The following TDRD9 variants were observed in gnomAD, a reference collection of about 807,000 sequenced individuals.
The protein encoded by TDRD9 is ATP-dependent RNA helicase TDRD9.
Under a neutral mutation model 172.6 loss-of-function variants are expected in TDRD9, and 124 were observed. The observed-to-expected ratio is 0.72, with a 90% confidence interval of 0.62 to 0.83. The LOEUF (loss-of-function observed/expected upper bound fraction) is 0.83, where lower values mean the gene tolerates loss of function less well. Among genes scored for constraint, TDRD9 ranks in the 40% least tolerant of loss-of-function variants. TDRD9 has a pLI of 0.00. For synonymous variants in TDRD9, 619 were observed against 617.1 expected (o/e 1.00, Z -0.05); for missense variants, 1,479 against 1,714.1 (o/e 0.86, Z 2.42).
At chr14:103,969,956 C>T (rs1488293992) in intron 5 of TDRD9, among the ~76,000 whole-genome samples, 1 of 152,128 alleles carries the variant, frequency 6.6e-6, no homozygotes, top group Admixed American at 6.5e-5. Context: ...GACCTCGGGT[C>T]CTAACCTTGC....
intron 1 of TDRD9, among the ~76,000 whole-genome samples, chr14:103,934,706 C>T (rs533001860): frequency 7.9e-5 from 12 of 152,330 alleles, no homozygotes; most frequent in South Asian, 4.1e-4. Context: ...GGTGTGAACC[C>T]GGCAGGCGGA....
At chr14:103,932,251 A>G (rs1436103131) in intron 1 of TDRD9, among the ~76,000 whole-genome samples, 1 of 152,186 alleles carries the variant, frequency 6.6e-6, no homozygotes, top group Non-Finnish European at 1.5e-5. Flanking sequence ...GATTGGGGTG[A>G]GCCGACCTGT....
intron 2 of TDRD9, among the ~76,000 whole-genome samples, chr14:103,959,116 A>G (rs1188944320): frequency 1.3e-5 from 2 of 152,130 alleles, no homozygotes; most frequent in Non-Finnish European, 1.5e-5. Flanking sequence ...AATTGGAGGC[A>G]TTGTCCTAGT....
At chr14:104,018,916 C>G (rs1445162648) in intron 23 of TDRD9, among the ~76,000 whole-genome samples, 2 of 152,110 alleles carry the variant, frequency 1.3e-5, no homozygotes, top group Non-Finnish European at 2.9e-5. Context: ...GGGTAATTCC[C>G]TCCGGCATTT....
At chr14:103,983,338 C>T (rs1178289298) in intron 7 of TDRD9, among the ~76,000 whole-genome samples, 4 of 152,028 alleles carry the variant, frequency 2.6e-5, no homozygotes, top group African/African-American at 9.7e-5. Context: ...GCTAGGATTA[C>T]AGGCATGAGC....
chr14:103,937,421 C>A (rs911884278), intron 1 of TDRD9, among the ~76,000 whole-genome samples: 1 of 152,206 alleles, frequency 6.6e-6, no homozygotes, highest in Non-Finnish European at 1.5e-5. Flanking sequence ...TGTTCAGATA[C>A]CTCCTTAGAG....
At chr14:104,031,929 A>C (rs1433890145) in intron 29 of TDRD9, 88 bp from the exon 30 acceptor site, 1 of 893,022 alleles carries the variant, frequency 1.1e-6, no homozygotes, top group Non-Finnish European at 1.7e-6. Context: ...TTTTTCCTTT[A>C]AAGAATGAGC....
intron 1 of TDRD9, among the ~76,000 whole-genome samples, chr14:103,942,893 A>G (rs756789004): frequency 6.6e-6 from 1 of 152,206 alleles, no homozygotes; most frequent in African/African-American, 2.4e-5. Context: ...GACATAATAA[A>G]CAGCTAGATA....
chr14:104,010,946 G>T (rs905367446), intron 20 of TDRD9, among the ~76,000 whole-genome samples: 1 of 152,194 alleles, frequency 6.6e-6, no homozygotes, highest in African/African-American at 2.4e-5. Flanking sequence ...GAACTGAAAT[G>T]TACTGTATGT....
At chr14:103,981,571 A>G (rs1318387827) in intron 7 of TDRD9, among the ~76,000 whole-genome samples, 3 of 152,248 alleles carry the variant, frequency 2.0e-5, no homozygotes, top group African/African-American at 7.2e-5. Context: ...AGCTGTATAC[A>G]GATGTTCCTT....
intron 28 of TDRD9, 25 bp from the exon 29 acceptor site, chr14:104,031,083 A>C (rs534442934): frequency 1.9e-6 from 3 of 1,540,854 alleles, no homozygotes; most frequent in Non-Finnish European, 2.6e-6. Flanking sequence ...TCTTTTAACA[A>C]AACAAACTTT....
chr14:103,946,959 T>G (rs2031591668), intron 1 of TDRD9, among the ~76,000 whole-genome samples: 1 of 152,254 alleles, frequency 6.6e-6, no homozygotes, highest in Non-Finnish European at 1.5e-5. Flanking sequence ...ATGTCAGTAC[T>G]ACACGATGTG....
intron 34 of TDRD9, chr14:104,049,367 A>C: frequency 6.8e-6 from 2 of 293,166 alleles, no homozygotes; most frequent in East Asian, 1.4e-4. Flanking sequence ...CTGGTTGCTA[A>C]GGGAACATAG....
chr14:104,005,057 TTCTC>T, intron 14 of TDRD9: 1 of 387,686 alleles, frequency 2.6e-6, no homozygotes, highest in Non-Finnish European at 4.6e-6. Context: ...TTTTTCTTCC[TTCTC>T]TCTCCCCATC....
chr14:103,951,831 A>G (rs1164076868), intron 1 of TDRD9, among the ~76,000 whole-genome samples: 1 of 150,720 alleles, frequency 6.6e-6, no homozygotes, highest in Non-Finnish European at 1.5e-5. Flanking sequence ...CAGTGGCGTG[A>G]TCTCGGCTCA....
chr14:104,035,207 T>C (rs2035415230), intron 32 of TDRD9, among the ~76,000 whole-genome samples, 151 bp downstream of exon 32: 1 of 139,300 alleles, frequency 7.2e-6, no homozygotes, highest in Non-Finnish European at 1.7e-5. Flanking sequence ...TGTATTGTTA[T>C]TGATTTATTT....
chr14:103,939,743 G>GTTTTTTTTTTTTTTTTTTTTTTTTTTTTT (rs371934680), intron 1 of TDRD9: 1 of 17,448 alleles, frequency 5.7e-5, no homozygotes. Flanking sequence ...GAAAAAAAGT[G>GTTTTTTTTTTTTTTTTTTTTTTTTTTTTT]TTTTTTTTTT....
intron 1 of TDRD9, chr14:103,941,943 A>G: frequency 2.0e-6 from 1 of 512,570 alleles, no homozygotes; most frequent in Non-Finnish European, 3.4e-6. Context: ...ACAAAGTCAG[A>G]GATAACATAT....
intron 20 of TDRD9, among the ~76,000 whole-genome samples, chr14:104,011,021 C>G (rs2034596736): frequency 6.6e-6 from 1 of 152,206 alleles, no homozygotes; most frequent in African/African-American, 2.4e-5. Flanking sequence ...AGCATCACTG[C>G]AGACACGTGA....
Sources: gnomAD v4.1 joint callset for allele counts (sites outside exome capture counted in the v4.1 genomes callset) on GRCh38, gnomAD v4.1.1 for gene constraint, MANE v1.5 for transcripts, NCBI Gene and HGNC (gene_info 2026-07-23, HGNC 2026-07-21) for gene names.